The following EBF2 variants were observed in gnomAD, a reference collection of about 807,000 sequenced individuals.
EBF2 encodes the protein EBF transcription factor 2.
In EBF2, 21 loss-of-function variants were observed where a neutral mutation model predicts 72.8. The ratio of observed to expected loss-of-function variants is 0.29; its 90% CI spans 0.20 to 0.42. The LOEUF is 0.42. Among genes scored for constraint, EBF2 ranks in the 10% least tolerant of loss-of-function variants. EBF2 has a pLI of 1.00. For synonymous variants in EBF2, 299 were observed against 274.2 expected, an observed-to-expected ratio of 1.09 and a Z score of -0.89; for missense variants, 637 against 731.2, an observed-to-expected ratio of 0.87 and a Z score of 1.49.
intron 10 of EBF2, among the ~76,000 whole-genome samples, chr8:25,874,656 A>G (rs987686801): frequency 1.3e-5 from 2 of 151,700 alleles, no homozygotes; most frequent in African/African-American, 4.8e-5. Context: ...TTTTTTTCTT[A>G]CAAGAACTTC....
Position 25,858,392 on chromosome 8 carries a change from G to GCT in EBF2, c.1454_1455insAG (p.Pro486AlafsTer15). ...CTGGAACACCCAAGTTGGCCATGGG[G>GCT]ACATTGCTGTAGCCATTCATACTGT... On this transcript the variant is annotated frameshift_variant, in exon 14 of 16. Transcript: ENST00000520164. LOFTEE classifies it high-confidence loss of function. 1 of 1,614,176 alleles carries GCT rather than the reference G, an allele frequency of 6.2e-7. No individual in the cohort carries two copies. Among genetic ancestry groups the GCT allele is most frequent in the Non-Finnish European group, 8.5e-7 (1 of 1,180,034 alleles).
chr8:25,910,801 G>C (rs1803112624), intron 6 of EBF2, among the ~76,000 whole-genome samples: 1 of 152,088 alleles, frequency 6.6e-6, no homozygotes, highest in Non-Finnish European at 1.5e-5. Flanking sequence ...AAGGAGAAGG[G>C]GAGGTTAAGT....
At chr8:25,973,614 C>T (rs1398180750) in intron 6 of EBF2, among the ~76,000 whole-genome samples, 1 of 152,148 alleles carries the variant, frequency 6.6e-6, no homozygotes, top group South Asian at 2.1e-4. Context: ...CATTTCCATC[C>T]TCAAATCTGT....
chr8:25,968,859 A>T (rs1804151528), intron 6 of EBF2, among the ~76,000 whole-genome samples: 1 of 152,162 alleles, frequency 6.6e-6, no homozygotes, highest in African/African-American at 2.4e-5. Flanking sequence ...TGCCCCGCAG[A>T]GTGTCAGTTT....
chr8:25,994,393 T>C (rs1585219732), intron 6 of EBF2, among the ~76,000 whole-genome samples: 1 of 152,232 alleles, frequency 6.6e-6, no homozygotes, highest in African/African-American at 2.4e-5. Context: ...CTGACACTAA[T>C]AGAAATATAG....
At chr8:25,876,717 G>A (rs925139359) in intron 10 of EBF2, among the ~76,000 whole-genome samples, 17 of 152,294 alleles carry the variant, frequency 1.1e-4, no homozygotes, top group South Asian at 2.1e-4. Context: ...GTACAGGTTA[G>A]GTGTTAAGAG....
intron 6 of EBF2, among the ~76,000 whole-genome samples, chr8:25,928,394 C>G (rs1803422739): frequency 6.6e-6 from 1 of 152,070 alleles, no homozygotes; most frequent in Admixed American, 6.5e-5. Context: ...TGACTCATTC[C>G]CTGTCCTCTT....
intron 6 of EBF2, among the ~76,000 whole-genome samples, chr8:25,979,956 A>T (rs1288360660): frequency 6.6e-6 from 1 of 152,114 alleles, no homozygotes; most frequent in African/African-American, 2.4e-5. Flanking sequence ...AAATCATCTC[A>T]TAGTTTGGCA....
intron 10 of EBF2, among the ~76,000 whole-genome samples, chr8:25,873,675 T>A (rs1272266260): frequency 6.6e-6 from 1 of 152,196 alleles, no homozygotes; most frequent in African/African-American, 2.4e-5. Flanking sequence ...TAATATTTAA[T>A]TACACTTTGG....
chr8:25,898,150 CTG>C (rs1027887130), intron 7 of EBF2, among the ~76,000 whole-genome samples: 9 of 152,174 alleles, frequency 5.9e-5, no homozygotes, highest in Non-Finnish European at 1.2e-4. Flanking sequence ...GAGGATTAAA[CTG>C]TGGCCACTGT....
intron 6 of EBF2, among the ~76,000 whole-genome samples, chr8:26,031,051 T>C (rs1255910096): frequency 6.6e-6 from 1 of 152,228 alleles, no homozygotes; most frequent in Non-Finnish European, 1.5e-5. Context: ...CATTAAGGTG[T>C]GTACTTATGA....
At chr8:25,917,430 C>T (rs1304905064) in intron 6 of EBF2, among the ~76,000 whole-genome samples, 1 of 152,168 alleles carries the variant, frequency 6.6e-6, no homozygotes, top group Admixed American at 6.5e-5. Context: ...ATTGTTCTCA[C>T]AAAATGTCTT....
chr8:25,872,621 A>G (rs1029018020), intron 10 of EBF2, among the ~76,000 whole-genome samples: 1 of 152,162 alleles, frequency 6.6e-6, no homozygotes, highest in African/African-American at 2.4e-5. Context: ...TCTAAATTCC[A>G]ACTTTCTTCA....
intron 7 of EBF2, among the ~76,000 whole-genome samples, chr8:25,906,574 C>G (rs1360365564): frequency 6.6e-6 from 1 of 152,102 alleles, no homozygotes; most frequent in Non-Finnish European, 1.5e-5. Context: ...TCAGACCAGC[C>G]TGGCCAACAT....
At chr8:26,040,797 C>A (rs1430299881) in intron 3 of EBF2, 126 bp from the exon 4 acceptor site, 2 of 1,470,980 alleles carry the variant, frequency 1.4e-6, no homozygotes, top group East Asian at 2.4e-5. Flanking sequence ...GAGACGGTGA[C>A]CTCCCAATCC....
intron 8 of EBF2, among the ~76,000 whole-genome samples, chr8:25,888,265 A>G (rs1423838397): frequency 2.6e-5 from 4 of 152,206 alleles, no homozygotes; most frequent in African/African-American, 9.6e-5. Flanking sequence ...GTTGAAGCCT[A>G]GAATTCTGCG....
Position 26,040,976 on chromosome 8 carries a change from G to A in EBF2, c.315C>T (p.Asn105=), listed in dbSNP as rs773275947. 2 of 1,614,108 alleles carry A rather than the reference G, an allele frequency of 1.2e-6. No individual in the cohort carries two copies. Among genetic ancestry groups the A allele is most frequent in the African/African-American group, 2.7e-5 (2 of 74,944 alleles). The change falls in exon 3 of 16, where the codon AAC becomes AAT. Residue 105 remains asparagine, a synonymous_variant. Coordinates refer to ENST00000520164, the MANE Select transcript of EBF2 (RefSeq NM_022659.4). ...DKEQGNEKTN[N]GTHYKLQLLY... ...GGAGCTGTAACTTGTAGTGAGTGCC[G>A]TTGTTGGTCTTCTCGTTGCCTTGTT...
chr8:25,954,774 A>G (rs1401716725), intron 6 of EBF2, among the ~76,000 whole-genome samples: 2 of 152,104 alleles, frequency 1.3e-5, no homozygotes, highest in African/African-American at 2.4e-5. Context: ...CGGCTCCCCA[A>G]GCCTGTTTGG....
At chr8:25,981,313 G>A (rs919990594) in intron 6 of EBF2, among the ~76,000 whole-genome samples, 1 of 152,012 alleles carries the variant, frequency 6.6e-6, no homozygotes, top group African/African-American at 2.4e-5. Context: ...CCCTCACCTA[G>A]CACTGTATCA....
Sources: gnomAD v4.1 joint callset for allele counts (sites outside exome capture counted in the v4.1 genomes callset) on GRCh38, gnomAD v4.1.1 for gene constraint, MANE v1.5 for transcripts, NCBI Gene and HGNC (gene_info 2026-07-23, HGNC 2026-07-21) for gene names.